The following NWD1 variants were observed in gnomAD, a reference collection of about 807,000 sequenced individuals.
NWD1 encodes the protein NACHT and WD repeat domain containing 1.
NWD1 carries 129 observed loss-of-function variants against 135.1 expected under a neutral mutation model. The observed-to-expected ratio is 0.96, with a 90% CI of 0.83 to 1.11. The LOEUF (loss-of-function observed/expected upper bound fraction) is 1.11, where lower values mean the gene tolerates loss of function less well. Among genes scored for constraint, NWD1 ranks in the 50% least tolerant of loss-of-function variants. The probability of loss-of-function intolerance (pLI) is 0.00; values close to 1 mark genes in which losing one functional copy is unlikely to be tolerated. For missense variants in NWD1, 1,740 were observed against 1,851.3 expected, an observed-to-expected ratio of 0.94 and a Z score of 1.10; for synonymous variants, 773 against 786.0, an observed-to-expected ratio of 0.98 and a Z score of 0.28.
At position 16,779,396 on chromosome 19, in the gene NWD1, C is replaced by A; in HGVS notation, c.2662C>A (p.Gln888Lys). Residue 888 changes from glutamine to lysine, a missense_variant, in exon 12 of 19, where the codon CAG becomes AAG. Physicochemically the swap from Gln to Lys is moderately conservative, Grantham distance 53. Coordinates refer to ENST00000524140, the MANE Select transcript of NWD1 (RefSeq NM_001007525.5). ...VEEKLLVIGT[Q>K]DGIMAVWDME... ...GGAGAAGCTGCTGGTGATTGGCACCCAGGATGGCATCATGGCTGTGTGGGA... is the reference window on the plus strand; with the variant it reads ...GGAGAAGCTGCTGGTGATTGGCACCAAGGATGGCATCATGGCTGTGTGGGA... 1 of 1,613,792 alleles carries A rather than the reference C, an allele frequency of 6.2e-7. No homozygotes were observed. The highest frequency in any genetic ancestry group is 8.5e-7 in the Non-Finnish European group (1 of 1,179,924).
intron 8 of NWD1, 55 bp from the exon 9 acceptor site, chr19:16,763,773 T>C: frequency 9.2e-7 from 1 of 1,082,298 alleles, no homozygotes; most frequent in Non-Finnish European, 1.4e-6. Context: ...GGCTTGTGCG[T>C]GGAGTGAATG....
Position 16,759,368 on chromosome 19 carries a change from T to C in NWD1, c.1913T>C (p.Leu638Pro). Residue 638 changes from leucine to proline, a missense_variant, in exon 7 of 19, where the codon CTG (leucine) becomes CCG (proline). Physicochemically the swap from Leu to Pro is moderately conservative, Grantham distance 98 (BLOSUM62 -3). Coordinates refer to ENST00000524140, the MANE Select transcript of NWD1 (RefSeq NM_001007525.5). ...CTGTGGGTGCGGCTTCGTCGGGATC[T>C]GGGATACTACTTGGCCCGGCGGCCC... ...PLLWVRLRRD[L>P]GYYLARRPVD... is the part of the protein sequence containing the mutation. 6.2e-7 allele frequency: 1 copy of C among 1,611,166 alleles called. No homozygotes were observed. Among genetic ancestry groups the C allele is most frequent in the Non-Finnish European group, 8.5e-7 (1 of 1,178,916 alleles).
intron 18 of NWD1, among the ~76,000 whole-genome samples, chr19:16,813,957 G>C (rs1970998062): frequency 6.6e-6 from 1 of 151,510 alleles, no homozygotes; most frequent in African/African-American, 2.4e-5. Flanking sequence ...TTCAAGACTA[G>C]TCTGGACAAC....
At position 16,808,087 on chromosome 19, in the gene NWD1, G is replaced by A; in HGVS notation, c.4238G>A (p.Cys1413Tyr). ...VVSGSEDALLCLWDLQARKWK... is the reference protein window; with the variant it reads ...VVSGSEDALLYLWDLQARKWK... ...AGCGGGTCTGAGGATGCCCTGCTGT[G>A]TCTCTGGGACCTGCAGGCACGCAAG... The change falls in exon 18 of 19, where the codon TGT becomes TAT. Residue 1413 changes from cysteine (C) to tyrosine (Y), a missense_variant. Cys to Tyr is a radical substitution (Grantham distance 194, BLOSUM62 -2). Coordinates refer to ENST00000524140, the MANE Select transcript of NWD1 (RefSeq NM_001007525.5). 6.2e-7 allele frequency: 1 copy of A among 1,614,108 alleles called. No individual in the cohort carries two copies. The highest frequency in any genetic ancestry group is 8.5e-7 in the Non-Finnish European group (1 of 1,180,028).
chr19:16,817,077 G>A lies in NWD1; in HGVS notation c.*2038G>A, dbSNP rs1971086042. 6.6e-6 allele frequency: 1 copy of A among 152,132 alleles called. No homozygotes were observed. Among genetic ancestry groups the A allele is most frequent in the South Asian group, 2.1e-4 (1 of 4,832 alleles). The allele number at this position is 152,132 out of a possible 1,614,324, so 9.4% of individuals were successfully genotyped here. A position where few individuals can be genotyped will look rare whatever the true frequency, so the allele number is the denominator to read the frequency against. On this transcript the variant is annotated 3_prime_UTR_variant, in exon 19 of 19. Transcript: ENST00000524140. The stretch of plus-strand genomic sequence containing the variant: ...GCTCTTTGGAAGGCCGAGGCAGGTG[G>A]ATCACCTGAGGTCAGGAGTTTGAGA...
chr19:16,751,422 T>A (rs1968573613), intron 6 of NWD1, among the ~76,000 whole-genome samples: 74 of 107,786 alleles, frequency 6.9e-4, no homozygotes, highest in South Asian at 1.2e-3. Flanking sequence ...AAAGGAAGAG[T>A]GAAAGAAGGA....
intron 12 of NWD1, among the ~76,000 whole-genome samples, chr19:16,784,359 C>A (rs532221372): frequency 6.6e-6 from 1 of 151,798 alleles, no homozygotes; most frequent in East Asian, 1.9e-4. Context: ...CAGCCAGACC[C>A]GTATCTCTAA....
At chr19:16,807,170 CAAAAAA>C (rs111687474) in intron 17 of NWD1, among the ~76,000 whole-genome samples, 3 of 99,846 alleles carry the variant, frequency 3.0e-5, no homozygotes, top group Non-Finnish European at 4.5e-5. Context: ...AATACTGTCT[CAAAAAA>C]AAAAAAAAAA....
intron 12 of NWD1, among the ~76,000 whole-genome samples, chr19:16,787,919 C>A (rs867266747): frequency 0.086 from 11,305 of 131,878 alleles, 596 homozygotes; most frequent in East Asian, 0.22. Context: ...TCATCATCAT[C>A]ATCATCATCA....
intron 17 of NWD1, among the ~76,000 whole-genome samples, chr19:16,801,976 A>G (rs1568392645): frequency 6.6e-6 from 1 of 151,648 alleles, no homozygotes; most frequent in Non-Finnish European, 1.5e-5. Flanking sequence ...GGCAACATGG[A>G]CCTTGTCGCA....
At chr19:16,779,714 T>C (rs1239833970) in intron 12 of NWD1, among the ~76,000 whole-genome samples, 1 of 152,122 alleles carries the variant, frequency 6.6e-6, no homozygotes, top group Admixed American at 6.6e-5. Context: ...TATAACTCAC[T>C]GCAGCCTCAA....
rs1467232348 is a variant in NWD1, at chr19:16,731,158, T to C, written c.-6-34T>C. 4 of 1,160,224 alleles carry C rather than the reference T, an allele frequency of 3.4e-6. No homozygotes were observed. The Admixed American group carries it at 6.4e-5, about 19-fold the overall frequency. 71.9% of individuals were successfully genotyped at this position (1,160,224 alleles called of 1,614,324 possible). On this transcript the variant is annotated intron_variant, in intron 2 of 18. Coordinates refer to ENST00000524140, the MANE Select transcript of NWD1 (RefSeq NM_001007525.5). ...TGAGGCTGGGAAGAGTTCTGAGTCC[T>C]TTCCACTAATACCCTCCATGCCCTT...
intron 5 of NWD1, among the ~76,000 whole-genome samples, chr19:16,745,923 A>G (rs1968294501): frequency 6.6e-6 from 1 of 152,056 alleles, no homozygotes; most frequent in South Asian, 2.1e-4. Context: ...TCTCTAAATA[A>G]ATAAATTAAT....
At chr19:16,758,319 C>T (rs1456247664) in intron 6 of NWD1, among the ~76,000 whole-genome samples, 1 of 152,148 alleles carries the variant, frequency 6.6e-6, no homozygotes, top group African/African-American at 2.4e-5. Context: ...CTCTTTTGCC[C>T]AGTCTGGAGT....
intron 11 of NWD1, among the ~76,000 whole-genome samples, 193 bp from the exon 12 acceptor site, chr19:16,779,150 A>G (rs1301982116): frequency 1.3e-5 from 2 of 152,180 alleles, no homozygotes; most frequent in Non-Finnish European, 2.9e-5. Flanking sequence ...AGTGAATGTC[A>G]CAGGCCAGAG....
chr19:16,812,043 G>A (rs1464256909), intron 18 of NWD1, among the ~76,000 whole-genome samples: 5 of 152,184 alleles, frequency 3.3e-5, no homozygotes, highest in Non-Finnish European at 7.3e-5. Context: ...AGGCATAGTG[G>A]CTCATGCCTG....
chr19:16,792,733 C>T (rs1269849643), intron 14 of NWD1, among the ~76,000 whole-genome samples: 5 of 150,928 alleles, frequency 3.3e-5, no homozygotes, highest in Admixed American at 1.3e-4. Context: ...AAAAATTAGC[C>T]GGGTGTGGTG....
At chr19:16,768,026 C>T (rs2122922405) in intron 10 of NWD1, among the ~76,000 whole-genome samples, 1 of 116,408 alleles carries the variant, frequency 8.6e-6, no homozygotes, top group East Asian at 2.8e-4. Context: ...GAGTCTCGCT[C>T]TGTCACCCAG....
intron 17 of NWD1, among the ~76,000 whole-genome samples, chr19:16,801,216 T>C (rs1451010704): frequency 1.3e-5 from 2 of 151,890 alleles, no homozygotes; most frequent in African/African-American, 4.8e-5. Context: ...GAGGCAGAGG[T>C]TGCAGTGAGC....
Sources: allele counts gnomAD v4.1 joint callset (sites outside exome capture counted in the v4.1 genomes callset), GRCh38; gene constraint gnomAD v4.1.1; transcripts MANE v1.5; gene names NCBI Gene and HGNC (gene_info 2026-07-23, HGNC 2026-07-21).